Variants in NXPH1 observed in about 807,000 individuals in gnomAD.
The protein encoded by NXPH1 is neurexophilin 1, also known as neurexophilin-1.
NXPH1 carries 5 observed loss-of-function variants against 23.7 expected under a neutral mutation model. The observed-to-expected ratio is 0.21, with a 90% CI of 0.11 to 0.44. The LOEUF (loss-of-function observed/expected upper bound fraction) is 0.44. Ranked by LOEUF, NXPH1 falls within the 20% of genes least tolerant of loss-of-function variation. The pLI is 0.99. For missense variants in NXPH1, 324 were observed against 321.6 expected (o/e 1.01, Z -0.06); for synonymous variants, 144 against 122.2 (o/e 1.18, Z -1.18).
chr7:8,523,606 CT>C (rs1176707735), intron 2 of NXPH1, among the ~76,000 whole-genome samples: 2 of 152,130 alleles, frequency 1.3e-5, no homozygotes, highest in South Asian at 2.1e-4. Context: ...GTTAAGTAAT[CT>C]TTTTTTCTTT....
At chr7:8,631,823 A>G (rs1820135293) in intron 2 of NXPH1, among the ~76,000 whole-genome samples, 1 of 152,216 alleles carries the variant, frequency 6.6e-6, no homozygotes, top group African/African-American at 2.4e-5. Flanking sequence ...ATTAGAAGCA[A>G]GTTATACCTT....
chr7:8,506,209 T>C (rs1426888122), intron 2 of NXPH1, among the ~76,000 whole-genome samples: 4 of 152,240 alleles, frequency 2.6e-5, no homozygotes, highest in Middle Eastern at 3.4e-3. Flanking sequence ...GCAACTGTTG[T>C]TGCAATGATT....
intron 2 of NXPH1, among the ~76,000 whole-genome samples, chr7:8,455,729 T>C (rs1816583291): frequency 6.6e-6 from 1 of 152,234 alleles, no homozygotes; most frequent in Non-Finnish European, 1.5e-5. Flanking sequence ...CAGCATCCTC[T>C]CTTCGTTGCT....
chr7:8,684,434 G>A (rs1821114121), intron 2 of NXPH1, among the ~76,000 whole-genome samples: 1 of 152,226 alleles, frequency 6.6e-6, no homozygotes, highest in South Asian at 2.1e-4. Flanking sequence ...CCATATTCTG[G>A]TTTTATTAAT....
intron 2 of NXPH1, among the ~76,000 whole-genome samples, chr7:8,746,529 T>C (rs772814796): frequency 1.3e-4 from 20 of 152,216 alleles, no homozygotes; most frequent in Non-Finnish European, 2.5e-4. Context: ...ATCACTTACT[T>C]TATTTGCCAT....
At chr7:8,530,175 A>T (rs1239010888) in intron 2 of NXPH1, among the ~76,000 whole-genome samples, 1 of 152,138 alleles carries the variant, frequency 6.6e-6, no homozygotes, top group African/African-American at 2.4e-5. Context: ...TACCCTATGG[A>T]TGGGCAGGGT....
intron 2 of NXPH1, among the ~76,000 whole-genome samples, chr7:8,659,782 C>G (rs5029275): frequency 6.6e-6 from 1 of 152,002 alleles, no homozygotes; most frequent in African/African-American, 2.4e-5. Flanking sequence ...TGAATATAAC[C>G]TAGAAATGCA....
intron 2 of NXPH1, among the ~76,000 whole-genome samples, chr7:8,460,747 G>A (rs922168192): frequency 1.3e-5 from 2 of 152,154 alleles, no homozygotes; most frequent in Non-Finnish European, 2.9e-5. Flanking sequence ...GCCTTGCAAC[G>A]GACATGCTTG....
chr7:8,535,513 T>G (rs1016316209), intron 2 of NXPH1, among the ~76,000 whole-genome samples: 18 of 151,958 alleles, frequency 1.2e-4, no homozygotes, highest in Non-Finnish European at 1.9e-4. Context: ...CTGGGATTAA[T>G]TGGGATATGG....
chr7:8,506,428 T>G (rs1817524002), intron 2 of NXPH1, among the ~76,000 whole-genome samples: 1 of 152,070 alleles, frequency 6.6e-6, no homozygotes, highest in Non-Finnish European at 1.5e-5. Flanking sequence ...TTGTGAAGAT[T>G]AAGTGAGAAA....
intron 2 of NXPH1, among the ~76,000 whole-genome samples, chr7:8,602,801 G>A (rs539108962): frequency 6.6e-6 from 1 of 152,200 alleles, no homozygotes; most frequent in South Asian, 2.1e-4. Context: ...GCTGGGGAGA[G>A]AATAGTACAA....
At chr7:8,675,651 G>T (rs547116389) in intron 2 of NXPH1, among the ~76,000 whole-genome samples, 30 of 152,270 alleles carry the variant, frequency 2.0e-4, no homozygotes, top group African/African-American at 6.3e-4. Context: ...GATGCTAGGG[G>T]AGCACCTCGG....
At position 8,751,144 on chromosome 7, in the gene NXPH1, G is replaced by A. The variant is rs541643211; in HGVS notation, c.191G>A (p.Arg64His). The change falls in exon 3 of 3, where the codon CGT becomes CAT. Residue 64 changes from arginine (R) to histidine (H), a missense_variant. Coordinates refer to ENST00000405863, the MANE Select transcript of NXPH1 (RefSeq NM_152745.3). This position sits in a 1 kb window ranked among gnomAD's most constrained non-coding sequence, Gnocchi z 4.5. ...SISRLLSQTF[R>H]GKENDTDLDL... The stretch of plus-strand genomic sequence containing the variant: ...AGCCGACTCCTGTCACAGACTTTTC[G>A]TGGCAAAGAGAATGATACAGATTTG... 4.2e-5 allele frequency: 68 copies of A among 1,613,790 alleles called. 1 individual carries two copies. Among genetic ancestry groups the A allele is most frequent in the South Asian group, 5.5e-5 (5 of 91,088 alleles).
At chr7:8,667,877 C>T (rs1820798608) in intron 2 of NXPH1, among the ~76,000 whole-genome samples, 3 of 151,684 alleles carry the variant, frequency 2.0e-5, no homozygotes. Context: ...CCTTTTCATC[C>T]TCTTTTCTTT....
At chr7:8,611,377 C>T (rs1057396735) in intron 2 of NXPH1, among the ~76,000 whole-genome samples, 17 of 152,046 alleles carry the variant, frequency 1.1e-4, no homozygotes, top group Admixed American at 3.3e-4. Context: ...AAAATACTTG[C>T]GTTACATGGT....
rs74680467 is a variant in NXPH1 at position 8,499,665 on chromosome 7, T to C, written c.54+63898T>C. ...TTCGGTAATCAATACTCATGCCTAG[T>C]GGGAAACTCACCAAGTCAGAACAAC... On this transcript the variant is annotated intron_variant, in intron 2 of 2. Transcript: ENST00000405863. Among the ~76,000 whole-genome samples the C allele has an allele frequency of 7.1e-3, 1,083 of 152,164 alleles. 12 individuals are homozygous for C. Among genetic ancestry groups the C allele is most frequent in the African/African-American group, 0.025 (1,027 of 41,552 alleles).
intron 2 of NXPH1, among the ~76,000 whole-genome samples, chr7:8,569,586 C>T (rs1222834651): frequency 6.6e-6 from 1 of 151,794 alleles, no homozygotes; most frequent in East Asian, 1.9e-4. Flanking sequence ...TCATGAATGG[C>T]AAGTTGTAAT....
At chr7:8,674,359 G>A (rs968052637) in intron 2 of NXPH1, among the ~76,000 whole-genome samples, 6 of 152,018 alleles carry the variant, frequency 3.9e-5, no homozygotes, top group Non-Finnish European at 7.4e-5. Flanking sequence ...TCTTTGGGTC[G>A]CTTTGTTTCT....
intron 2 of NXPH1, among the ~76,000 whole-genome samples, chr7:8,612,352 G>A (rs1001447377): frequency 6.6e-6 from 1 of 151,420 alleles, no homozygotes. Context: ...TGCAATAAAG[G>A]CTGTTTTGGT....
Sources: gnomAD v4.1 joint callset for allele counts (sites outside exome capture counted in the v4.1 genomes callset) on GRCh38, gnomAD v4.1.1 for gene constraint, Gnocchi (gnomAD v3.1) non-coding constraint, MANE v1.5 for transcripts, NCBI Gene and HGNC (gene_info 2026-07-23, HGNC 2026-07-21) for gene names.